The following RNGTT variants were observed in gnomAD, a reference collection of about 807,000 sequenced individuals.
The protein encoded by RNGTT is mRNA-capping enzyme.
A neutral mutation model predicts 79.3 loss-of-function variants in RNGTT; 33 were observed. That is an observed-to-expected ratio of 0.42 (90% confidence interval 0.32 to 0.56). The LOEUF (loss-of-function observed/expected upper bound fraction) is 0.56. Among genes scored for constraint, RNGTT ranks in the 20% least tolerant of loss-of-function variants. The pLI is 0.17. For missense variants in RNGTT, 497 were observed against 739.1 expected (o/e 0.67, Z 3.80); for synonymous variants, 222 against 235.9 (o/e 0.94, Z 0.54).
At chr6:88,700,529 T>C (rs1775910775) in intron 13 of RNGTT, among the ~76,000 whole-genome samples, 1 of 152,112 alleles carries the variant, frequency 6.6e-6, no homozygotes, top group African/African-American at 2.4e-5. Flanking sequence ...TTATGCCAGT[T>C]AATAAGGGGG....
chr6:88,829,406 A>G (rs118168823), intron 11 of RNGTT, among the ~76,000 whole-genome samples: 131 of 152,338 alleles, frequency 8.6e-4, no homozygotes, highest in East Asian at 8.3e-3. Context: ...AACCAGTATC[A>G]ACCACTGCAA....
At chr6:88,627,678 T>C (rs1772683205) in intron 14 of RNGTT, among the ~76,000 whole-genome samples, 1 of 152,140 alleles carries the variant, frequency 6.6e-6, no homozygotes, top group South Asian at 2.1e-4. Context: ...TTTAATCTTC[T>C]AAACTCTTTC....
chr6:88,861,180 C>T (rs1782002696), intron 8 of RNGTT, among the ~76,000 whole-genome samples: 1 of 152,056 alleles, frequency 6.6e-6, no homozygotes, highest in African/African-American at 2.4e-5. Context: ...CACAGAAGTC[C>T]CTGAAAGCTA....
intron 8 of RNGTT, among the ~76,000 whole-genome samples, chr6:88,888,947 G>C (rs9344886): frequency 0.041 from 6,241 of 152,272 alleles, 188 homozygotes; most frequent in African/African-American, 0.076. Flanking sequence ...AGAATCGCTT[G>C]AACCTGGCAG....
chr6:88,929,843 C>T (rs546681534), intron 2 of RNGTT, among the ~76,000 whole-genome samples: 4 of 151,122 alleles, frequency 2.6e-5, no homozygotes, highest in Admixed American at 2.0e-4. Flanking sequence ...TATACATATA[C>T]ACACATATAC....
At chr6:88,721,528 C>T (rs528170459) in intron 13 of RNGTT, among the ~76,000 whole-genome samples, 10 of 152,124 alleles carry the variant, frequency 6.6e-5, no homozygotes, top group African/African-American at 2.4e-4. Context: ...TTTCAGCCCA[C>T]ACTCTACAAT....
In RNGTT at chr6:88,611,959, G is replaced by GAC. The variant is rs1772042244; in HGVS notation, c.*758_*759dup. 6.6e-6 allele frequency: 1 copy of GAC among 152,600 alleles called. No individual in the cohort carries two copies. The highest frequency in any genetic ancestry group is 2.1e-4 in the South Asian group (1 of 4,832). The allele number at this position is 152,600 out of a possible 1,614,324, so 9.5% of individuals were successfully genotyped here. On this transcript the variant is annotated 3_prime_UTR_variant, in exon 16 of 16. Coordinates refer to ENST00000369485, the MANE Select transcript of RNGTT (RefSeq NM_003800.5). ...TCTCCCAGGAGAACAACACATAAAG[G>GAC]ACCTGGTGGTGTATGTCCAAGTTCC...
chr6:88,832,195 A>G (rs1182972225), intron 11 of RNGTT, among the ~76,000 whole-genome samples: 1 of 152,226 alleles, frequency 6.6e-6, no homozygotes, highest in Non-Finnish European at 1.5e-5. Flanking sequence ...AAACTACACT[A>G]CAAGGCTACA....
chr6:88,908,435 C>T (rs1390875004), intron 4 of RNGTT, among the ~76,000 whole-genome samples: 2 of 152,134 alleles, frequency 1.3e-5, no homozygotes, highest in Non-Finnish European at 1.5e-5. Context: ...AATCCTGCAA[C>T]TTTGAACAGA....
chr6:88,638,648 T>C (rs1773191507), intron 14 of RNGTT, among the ~76,000 whole-genome samples: 1 of 152,144 alleles, frequency 6.6e-6, no homozygotes, highest in Non-Finnish European at 1.5e-5. Flanking sequence ...CATTAAGACA[T>C]AAAACAAAAG....
At chr6:88,868,252 A>T (rs1331333921) in intron 8 of RNGTT, among the ~76,000 whole-genome samples, 1 of 152,180 alleles carries the variant, frequency 6.6e-6, no homozygotes, top group African/African-American at 2.4e-5. Context: ...GAGATAAAGG[A>T]TCTCCCATTT....
chr6:88,932,280 C>T (rs373411561), intron 2 of RNGTT, among the ~76,000 whole-genome samples: 13 of 152,216 alleles, frequency 8.5e-5, no homozygotes, highest in Non-Finnish European at 1.5e-4. Context: ...CTAGTCAGAC[C>T]GGTTCTCTGC....
chr6:88,649,891 A>T (rs1299026596), intron 14 of RNGTT, among the ~76,000 whole-genome samples: 1 of 152,202 alleles, frequency 6.6e-6, no homozygotes, highest in Non-Finnish European at 1.5e-5. Flanking sequence ...CCAGGCCTCA[A>T]GGAGAGTGGA....
chr6:88,894,201 A>C (rs931125617), intron 6 of RNGTT, among the ~76,000 whole-genome samples: 1 of 152,188 alleles, frequency 6.6e-6, no homozygotes, highest in African/African-American at 2.4e-5. Flanking sequence ...CCAAATCTTG[A>C]ATTTGCATTT....
intron 15 of RNGTT, among the ~76,000 whole-genome samples, chr6:88,613,122 A>G (rs1352140802): frequency 6.6e-6 from 1 of 152,198 alleles, no homozygotes; most frequent in Non-Finnish European, 1.5e-5. Context: ...TTTGGGCTAT[A>G]AGCATGTCTT....
chr6:88,952,216 ACCTGTT>A (rs1785274373), intron 1 of RNGTT, among the ~76,000 whole-genome samples: 1 of 152,132 alleles, frequency 6.6e-6, no homozygotes, highest in African/African-American at 2.4e-5. Context: ...CTGGAACATA[ACCTGTT>A]GGCCCAAGAA....
intron 4 of RNGTT, among the ~76,000 whole-genome samples, chr6:88,923,228 T>C (rs760785703): frequency 6.6e-6 from 1 of 152,272 alleles, no homozygotes; most frequent in Non-Finnish European, 1.5e-5. Flanking sequence ...TTTTACTTAA[T>C]GATTTTACTG....
chr6:88,898,376 G>A (rs1783324231), intron 6 of RNGTT, among the ~76,000 whole-genome samples: 1 of 151,802 alleles, frequency 6.6e-6, no homozygotes, highest in Admixed American at 6.6e-5. Context: ...CTGCATGCTG[G>A]AAGGATTTCA....
At chr6:88,848,771 G>C (rs1448813958) in intron 10 of RNGTT, among the ~76,000 whole-genome samples, 1 of 151,992 alleles carries the variant, frequency 6.6e-6, no homozygotes, top group Non-Finnish European at 1.5e-5. Context: ...TTGAGATTAG[G>C]AGAGAGGTGT....
Sources: allele counts gnomAD v4.1 joint callset (sites outside exome capture counted in the v4.1 genomes callset), GRCh38; gene constraint gnomAD v4.1.1; transcripts MANE v1.5; gene names NCBI Gene and HGNC (gene_info 2026-07-23, HGNC 2026-07-21).